GCLC: variants seen among roughly 807,000 people sequenced by gnomAD.
GCLC encodes glutamate-cysteine ligase catalytic subunit, also known as glutamate--cysteine ligase catalytic subunit.
A neutral mutation model predicts 81.5 loss-of-function variants in GCLC; 30 were observed. The observed-to-expected ratio is 0.37, with a 90% confidence interval of 0.28 to 0.50. The LOEUF is 0.50. GCLC is among the 20% of genes least tolerant of loss of function. GCLC has a pLI of 0.96. For synonymous variants in GCLC, 262 were observed against 273.3 expected (o/e 0.96, Z 0.41); for missense variants, 556 against 777.4 (o/e 0.72, Z 3.39).
intron 1 of GCLC, among the ~76,000 whole-genome samples, chr6:53,530,073 T>C (rs183109242): frequency 3.3e-5 from 5 of 152,346 alleles, no homozygotes; most frequent in African/African-American, 1.2e-4. Context: ...GTTAGACTAA[T>C]CAACCTAACA....
intron 11 of GCLC, 129 bp downstream of exon 11, chr6:53,505,674 C>T: frequency 1.3e-6 from 1 of 757,308 alleles, no homozygotes; most frequent in Non-Finnish European, 2.4e-6. Flanking sequence ...CTTGGACTGA[C>T]TTGCTACCAT....
At chr6:53,526,026 A>AAACC (rs976042858) in intron 1 of GCLC, among the ~76,000 whole-genome samples, 3 of 152,232 alleles carry the variant, frequency 2.0e-5, no homozygotes, top group African/African-American at 7.2e-5. Context: ...ACTAGAATAA[A>AAACC]AACCACTATT....
chr6:53,540,365 T>G (rs1285185952), intron 1 of GCLC, among the ~76,000 whole-genome samples: 1 of 151,328 alleles, frequency 6.6e-6, no homozygotes, highest in South Asian at 2.1e-4. Context: ...ATGGGACAAT[T>G]TAGATGACCC....
At chr6:53,520,262 T>G (rs1276554973) in intron 3 of GCLC, among the ~76,000 whole-genome samples, 1 of 152,242 alleles carries the variant, frequency 6.6e-6, no homozygotes, top group African/African-American at 2.4e-5. Context: ...AAGGACCTAA[T>G]GACTCACGTT....
chr6:53,499,894 GATT>G (rs1334742863), intron 15 of GCLC, 148 bp downstream of exon 15: 44 of 660,568 alleles, frequency 6.7e-5, no homozygotes, highest in Non-Finnish European at 1.2e-4. Context: ...GAGTGTCAAA[GATT>G]ATAAGGTGAA....
chr6:53,514,121 G>T, intron 6 of GCLC, 83 bp downstream of exon 6: 1 of 1,315,314 alleles, frequency 7.6e-7, no homozygotes, highest in Non-Finnish European at 1.1e-6. Context: ...GTGATTTTTG[G>T]AACAGGAAAC....
In GCLC at chr6:53,516,149, A is replaced by G; in HGVS notation, c.520T>C (p.Phe174Leu). ...PVEGGASKSL[F>L]FPDEAINKHP... ...TTGTTTATTGCTTCATCTGGAAAGA[A>G]GAGGGACTTGGAAGCTCCTCCTTCC... The change falls in exon 4 of 16, where the codon TTC becomes CTC. Residue 174 changes from phenylalanine to leucine, a missense_variant. By Grantham distance (22) the Phe-to-Leu change is conservative. Transcript: ENST00000650454. 1 of 1,613,772 alleles carries G rather than the reference A, an allele frequency of 6.2e-7. No homozygotes were observed.
intron 6 of GCLC, chr6:53,513,991 T>C (rs1764808148): frequency 1.2e-5 from 7 of 601,624 alleles, no homozygotes; most frequent in South Asian, 2.0e-5. Context: ...GTATATACCT[T>C]TGTGGTGAAC....
chr6:53,525,208 T>C (rs538500909), intron 1 of GCLC, among the ~76,000 whole-genome samples: 65 of 152,364 alleles, frequency 4.3e-4, no homozygotes, highest in South Asian at 8.3e-4. Flanking sequence ...CTTTCTGCAC[T>C]AGTCCTCAAA....
Position 53,544,477 on chromosome 6 carries a change from G to T in GCLC, c.150+19C>A. ...CCAGACACGGGTGCCCGGCGGGGAC[G>T]GGGACCGCGGGCGCTCACCTCATCG... On this transcript the variant is annotated intron_variant, in intron 1 of 15. Transcript: ENST00000650454. 1 of 1,604,382 alleles carries T rather than the reference G, an allele frequency of 6.2e-7. No homozygotes were observed.
intron 15 of GCLC, among the ~76,000 whole-genome samples, chr6:53,499,438 T>C (rs1764458884): frequency 6.6e-6 from 1 of 152,150 alleles, no homozygotes; most frequent in Non-Finnish European, 1.5e-5. Context: ...CAGTATACCA[T>C]TTGAGGGGTG....
At chr6:53,510,967 A>G (rs1199506793) in intron 6 of GCLC, among the ~76,000 whole-genome samples, 2 of 152,250 alleles carry the variant, frequency 1.3e-5, no homozygotes, top group Admixed American at 1.3e-4. Context: ...TAACCAAACC[A>G]AGGGCAGTTT....
At chr6:53,500,605 A>C in intron 12 of GCLC, 92 bp from the exon 13 acceptor site, 3 of 889,084 alleles carry the variant, frequency 3.4e-6, no homozygotes, top group Non-Finnish European at 5.7e-6. Flanking sequence ...ATTAGGACTC[A>C]TTCCCTTAGG....
At chr6:53,503,496 GAGA>G (rs1270833274) in intron 12 of GCLC, among the ~76,000 whole-genome samples, 4 of 152,310 alleles carry the variant, frequency 2.6e-5, no homozygotes, top group South Asian at 4.1e-4. Flanking sequence ...TAATTTGGCT[GAGA>G]AGATAATTCT....
rs2066511 is a variant in GCLC, at chr6:53,500,576, C to T, written c.1396-63G>A. The T allele has an allele frequency of 0.25, 281,121 of 1,113,424 alleles. 36,144 individuals carry two copies. Among genetic ancestry groups the T allele is most frequent in the Non-Finnish European group, 0.28 (203,835 of 731,740 alleles). The allele number at this position is 1,113,424 out of a possible 1,614,324, so 69.0% of individuals were successfully genotyped here. On this transcript the variant is annotated intron_variant, in intron 12 of 15. Coordinates refer to ENST00000650454, the MANE Select transcript of GCLC (RefSeq NM_001498.4). The stretch of plus-strand genomic sequence containing the variant: ...TCTTGATCAGACATACAAGTTGCAG[C>T]ACCTTCCTCACCTTTGCAATTAGGA...
At position 53,509,175 on chromosome 6, in the gene GCLC, C is replaced by T; in HGVS notation, c.828+1G>A. 1.3e-6 allele frequency: 2 copies of T among 1,544,866 alleles called. No homozygotes were observed. Among genetic ancestry groups the T allele is most frequent in the Non-Finnish European group, 9.0e-7 (1 of 1,116,920 alleles). On this transcript the variant is annotated splice_donor_variant, in intron 7 of 15. Coordinates refer to ENST00000650454, the MANE Select transcript of GCLC (RefSeq NM_001498.4). LOFTEE classifies it high-confidence loss of function. ...TAAAATAAGAGGTAATTTCTACTTA[C>T]AACAATTGGACAGATAGTAGCCAAC...
intron 1 of GCLC, among the ~76,000 whole-genome samples, chr6:53,530,188 G>A (rs1380243663): frequency 1.3e-5 from 2 of 152,192 alleles, no homozygotes; most frequent in Non-Finnish European, 2.9e-5. Context: ...GGTCACCTAT[G>A]CCTCCAGGGA....
intron 12 of GCLC, among the ~76,000 whole-genome samples, chr6:53,502,929 T>C (rs774491279): frequency 3.9e-5 from 6 of 152,238 alleles, no homozygotes; most frequent in Non-Finnish European, 8.8e-5. Context: ...TTCTATACTA[T>C]TAATAGTTTT....
intron 3 of GCLC, among the ~76,000 whole-genome samples, chr6:53,518,376 G>C (rs564813084): frequency 5.4e-4 from 82 of 152,206 alleles, no homozygotes; most frequent in African/African-American, 1.9e-3. Flanking sequence ...TCAGCCTCCG[G>C]AGTAGCTGGG....
Sources: gnomAD v4.1 joint callset for allele counts (sites outside exome capture counted in the v4.1 genomes callset) on GRCh38, gnomAD v4.1.1 for gene constraint, MANE v1.5 for transcripts, NCBI Gene and HGNC (gene_info 2026-07-23, HGNC 2026-07-21) for gene names.